Variants in ANKS1B observed in about 807,000 individuals in gnomAD.
The protein encoded by ANKS1B is ankyrin repeat and sterile alpha motif domain containing 1B.
In ANKS1B, 36 loss-of-function variants were observed where a neutral mutation model predicts 148.3. The ratio of observed to expected loss-of-function variants is 0.24; its 90% CI spans 0.19 to 0.32. The LOEUF (loss-of-function observed/expected upper bound fraction) is 0.32, where lower values mean the gene tolerates loss of function less well. ANKS1B is among the 10% of genes least tolerant of loss of function. ANKS1B has a pLI of 1.00. For synonymous variants in ANKS1B, 542 were observed against 560.8 expected (o/e 0.97, Z 0.47); for missense variants, 1,157 against 1,542.6 (o/e 0.75, Z 4.19).
intron 12 of ANKS1B, among the ~76,000 whole-genome samples, chr12:99,268,755 T>C (rs1349455817): frequency 6.6e-6 from 1 of 152,176 alleles, no homozygotes; most frequent in Non-Finnish European, 1.5e-5. Context: ...CTGACACAAG[T>C]AGTAGAAAAA....
chr12:99,179,688 C>T (rs1165417470), intron 14 of ANKS1B, among the ~76,000 whole-genome samples: 2 of 152,016 alleles, frequency 1.3e-5, no homozygotes, highest in Non-Finnish European at 2.9e-5. Context: ...GGGAAAAACT[C>T]TCTATGAATC....
intron 8 of ANKS1B, among the ~76,000 whole-genome samples, chr12:99,717,634 C>A (rs1182614607): frequency 6.6e-6 from 1 of 152,228 alleles, no homozygotes; most frequent in African/African-American, 2.4e-5. Context: ...GACTCCTTCC[C>A]AGATCTTCTC....
intron 8 of ANKS1B, chr12:99,772,672 T>C: frequency 3.3e-6 from 1 of 300,014 alleles, no homozygotes; most frequent in Middle Eastern, 7.5e-4. Context: ...CAACAACAAA[T>C]ACCAAAAATC....
At position 99,675,177 on chromosome 12, in the gene ANKS1B, G is replaced by GA. The variant is rs1473793479; in HGVS notation, c.1129-19968dup. Among the ~76,000 whole-genome samples, 7 of 152,026 alleles carry GA rather than the reference G, an allele frequency of 4.6e-5. No individual in the cohort carries two copies. The East Asian group carries it at 1.4e-3, about 29-fold the overall frequency. ...AGGATAAGTTGGTAGTATGTGTAAA[G>GA]AATCTTTAAAAAGTTTCTTCTCTTT... On this transcript the variant is annotated intron_variant, in intron 8 of 26. Coordinates refer to ENST00000683438, the MANE Select transcript of ANKS1B (RefSeq NM_001352186.2).
At chr12:99,414,690 G>C (rs1271439949) in intron 11 of ANKS1B, among the ~76,000 whole-genome samples, 1 of 152,170 alleles carries the variant, frequency 6.6e-6, no homozygotes, top group African/African-American at 2.4e-5. Context: ...CAGGGGGTGA[G>C]GGGTTAGGGG....
At chr12:98,819,000 T>G (rs1363306938) in intron 19 of ANKS1B, among the ~76,000 whole-genome samples, 2 of 152,356 alleles carry the variant, frequency 1.3e-5, no homozygotes, top group Admixed American at 6.5e-5. Flanking sequence ...ACAGTTTTTT[T>G]TTCAATTCTA....
rs138257901 is a variant in ANKS1B at position 99,628,854 on chromosome 12, C to A, written c.1272+26213G>T. On this transcript the variant is annotated intron_variant, in intron 9 of 26. Transcript: ENST00000683438. ...AATAGCATTAATCCATTCATGAGGG[C>A]AGAGCCCTTGTAACCTAATCACCTC... Among the ~76,000 whole-genome samples, 935 of 152,270 alleles carry A rather than the reference C, an allele frequency of 6.1e-3. 18 individuals are homozygous for A. Among genetic ancestry groups the A allele is most frequent in the African/African-American group, 0.021 (883 of 41,554 alleles).
chr12:98,790,936 G>A (rs1056179781), intron 22 of ANKS1B, among the ~76,000 whole-genome samples: 2 of 152,178 alleles, frequency 1.3e-5, no homozygotes, highest in Non-Finnish European at 2.9e-5. Context: ...TGTTATATGG[G>A]AGAAAAGCTA....
rs2098443998 is a variant in ANKS1B at position 99,655,155 on chromosome 12, T to C, written c.1184A>G (p.Asp395Gly). The C allele has an allele frequency of 1.9e-6, 3 of 1,612,660 alleles. No individual in the cohort carries two copies. Among genetic ancestry groups the C allele is most frequent in the East Asian group, 2.2e-5 (1 of 44,858 alleles). Reference protein sequence around the residue: ...SPGEVEEEDDDENTCGPSGLW... With the variant: ...SPGEVEEEDDGENTCGPSGLW... Reference sequence around the variant, plus strand: ...TCCTGATGGCCCACACGTATTTTCATCATCATCCTCTTCTTCCACTTCTCC... The same window carrying C: ...TCCTGATGGCCCACACGTATTTTCACCATCATCCTCTTCTTCCACTTCTCC... Residue 395 changes from aspartate to glycine, a missense_variant, in exon 9 of 27, where the codon GAT (aspartate) becomes GGT (glycine). Asp to Gly is a moderately conservative substitution (Grantham distance 94). Coordinates refer to ENST00000683438, the MANE Select transcript of ANKS1B (RefSeq NM_001352186.2).
intron 9 of ANKS1B, among the ~76,000 whole-genome samples, chr12:99,580,175 C>A (rs1334217572): frequency 1.3e-5 from 2 of 152,098 alleles, no homozygotes; most frequent in East Asian, 1.9e-4. Flanking sequence ...AAGCAGGGAA[C>A]AAACACTGGG....
At chr12:98,739,348 T>A (rs527950133), downstream of ANKS1B, among the ~76,000 whole-genome samples, 30 of 152,350 alleles carry the variant, frequency 2.0e-4, no homozygotes, top group African/African-American at 6.5e-4. Flanking sequence ...GCTTAACTTG[T>A]ATCTGTGCCT....
intron 1 of ANKS1B, among the ~76,000 whole-genome samples, chr12:99,963,700 T>C (rs11615639): frequency 0.12 from 18,178 of 152,280 alleles, 1,457 homozygotes; most frequent in Middle Eastern, 0.18. Context: ...TGATAGTAAC[T>C]TAAAGCTTGG....
intron 9 of ANKS1B, among the ~76,000 whole-genome samples, chr12:99,545,875 A>G (rs2097168805): frequency 6.6e-6 from 1 of 151,520 alleles, no homozygotes; most frequent in South Asian, 2.1e-4. Context: ...ATCCAATAAC[A>G]TTTGCCTTCC....
chr12:98,800,381 T>C (rs1192632297), intron 21 of ANKS1B, among the ~76,000 whole-genome samples: 2 of 152,142 alleles, frequency 1.3e-5, no homozygotes, highest in South Asian at 2.1e-4. Context: ...GCAGTTTCAA[T>C]GCACTGCTGA....
At chr12:99,614,278 T>C (rs969861252) in intron 9 of ANKS1B, among the ~76,000 whole-genome samples, 1 of 151,700 alleles carries the variant, frequency 6.6e-6, no homozygotes, top group African/African-American at 2.4e-5. Flanking sequence ...CTACCAAAAA[T>C]ACAAAAATTA....
chr12:99,386,679 C>A (rs1057160433), intron 12 of ANKS1B, among the ~76,000 whole-genome samples: 3 of 152,048 alleles, frequency 2.0e-5, no homozygotes, highest in Non-Finnish European at 2.9e-5. Flanking sequence ...AAATGCTGGG[C>A]CAATTACTTT....
At chr12:98,755,989 G>A (rs1328083679) in intron 25 of ANKS1B, among the ~76,000 whole-genome samples, 1 of 152,196 alleles carries the variant, frequency 6.6e-6, no homozygotes, top group African/African-American at 2.4e-5. Context: ...GTTGAATCAT[G>A]AGGAGTCTTG....
At chr12:99,334,040 C>T (rs1449155902) in intron 12 of ANKS1B, among the ~76,000 whole-genome samples, 1 of 151,734 alleles carries the variant, frequency 6.6e-6, no homozygotes, top group African/African-American at 2.4e-5. Flanking sequence ...TTCAGTTTCA[C>T]ATCATAGAAT....
intron 26 of ANKS1B, among the ~76,000 whole-genome samples, chr12:98,750,913 A>T (rs1485624126): frequency 6.6e-6 from 1 of 152,218 alleles, no homozygotes; most frequent in East Asian, 1.9e-4. Flanking sequence ...CTGTGCATCC[A>T]GCTTCCTCTA....
Sources: gnomAD v4.1 joint callset for allele counts (sites outside exome capture counted in the v4.1 genomes callset) on GRCh38, gnomAD v4.1.1 for gene constraint, MANE v1.5 for transcripts, NCBI Gene and HGNC (gene_info 2026-07-23, HGNC 2026-07-21) for gene names.